Variants in NELL1 observed in about 807,000 individuals in gnomAD.
NELL1 encodes the protein protein kinase C-binding protein NELL1.
Under a neutral mutation model 107.4 loss-of-function variants are expected in NELL1, and 76 were observed. The ratio of observed to expected loss-of-function variants is 0.71; its 90% CI spans 0.59 to 0.86. The LOEUF is 0.86. NELL1 is among the 40% of genes least tolerant of loss of function. The pLI is 0.00. For synonymous variants in NELL1, 353 were observed against 341.2 expected (o/e 1.03, Z -0.38); for missense variants, 1,024 against 1,005.5 (o/e 1.02, Z -0.25).
At chr11:21,044,550 T>TA (rs1853311853) in intron 12 of NELL1, among the ~76,000 whole-genome samples, 1 of 152,092 alleles carries the variant, frequency 6.6e-6, no homozygotes, top group South Asian at 2.1e-4. Flanking sequence ...AGATGAGCGA[T>TA]ACCAGAGCAT....
intron 12 of NELL1, among the ~76,000 whole-genome samples, chr11:21,020,605 G>C (rs12294442): frequency 0.11 from 16,278 of 151,940 alleles, 2,710 homozygotes; most frequent in African/African-American, 0.36. Flanking sequence ...CCCAAGATGT[G>C]CTATTTCTTG....
intron 3 of NELL1, among the ~76,000 whole-genome samples, chr11:20,817,974 G>A (rs554035793): frequency 1.3e-5 from 2 of 152,094 alleles, no homozygotes; most frequent in South Asian, 4.1e-4. Context: ...TGTGGTCCGA[G>A]AGTATCATTG....
intron 2 of NELL1, among the ~76,000 whole-genome samples, chr11:20,735,811 A>C (rs1016631384): frequency 4.6e-5 from 7 of 152,210 alleles, no homozygotes; most frequent in Non-Finnish European, 8.8e-5. Context: ...CTTTGGGTTT[A>C]GGGAGTTTTT....
Position 20,695,592 on chromosome 11 carries a change from T to C in NELL1, c.184+17532T>C, listed in dbSNP as rs766291395. On this transcript the variant is annotated intron_variant, in intron 2 of 19. Transcript: ENST00000357134. ...AGTTTTCTTTATGTGGTGAATGACATTTATTGATTTGTGTATGTTGATTAC... is the reference window on the plus strand; with the variant it reads ...AGTTTTCTTTATGTGGTGAATGACACTTATTGATTTGTGTATGTTGATTAC... 2.6e-4 allele frequency among the ~76,000 whole-genome samples: 40 copies of C among 152,106 alleles called. 1 individual carries two copies. Among genetic ancestry groups the C allele is most frequent in the Non-Finnish European group, 5.0e-4 (34 of 68,002 alleles).
intron 3 of NELL1, among the ~76,000 whole-genome samples, chr11:20,807,760 A>G (rs189825107): frequency 6.6e-6 from 1 of 152,300 alleles, no homozygotes; most frequent in Non-Finnish European, 1.5e-5. Flanking sequence ...CCCATAATGT[A>G]AGACAAAGAA....
intron 12 of NELL1, among the ~76,000 whole-genome samples, chr11:20,991,593 C>T (rs1851972632): frequency 1.3e-5 from 2 of 152,140 alleles, no homozygotes; most frequent in Non-Finnish European, 2.9e-5. Context: ...AACAATAAAA[C>T]AACAATGGAG....
At chr11:20,876,885 C>T (rs1445203976) in intron 4 of NELL1, among the ~76,000 whole-genome samples, 1 of 152,220 alleles carries the variant, frequency 6.6e-6, no homozygotes, top group Non-Finnish European at 1.5e-5. Context: ...AGTATAACAA[C>T]CTATGGACTG....
At chr11:21,517,835 A>C (rs1242143920) in intron 15 of NELL1, among the ~76,000 whole-genome samples, 1 of 151,956 alleles carries the variant, frequency 6.6e-6, no homozygotes, top group Non-Finnish European at 1.5e-5. Context: ...GTTTTTCAAG[A>C]TATATGGTTA....
Position 20,826,018 on chromosome 11 carries a change from A to T in NELL1, c.336-21565A>T, listed in dbSNP as rs912682214. ...TTCTCACAAGATCTGATAGTTTTAT[A>T]AGGGGCTTTCCCCACTTTGCTCTGC... On this transcript the variant is annotated intron_variant, in intron 3 of 19. Coordinates refer to ENST00000357134, the MANE Select transcript of NELL1 (RefSeq NM_006157.5). Among the ~76,000 whole-genome samples, 11 of 151,292 alleles carry T rather than the reference A, an allele frequency of 7.3e-5. No homozygotes were observed. The East Asian group carries it at 1.9e-3, about 27-fold the overall frequency.
chr11:21,000,189 G>T (rs146440901), intron 12 of NELL1, among the ~76,000 whole-genome samples: 2 of 151,730 alleles, frequency 1.3e-5, no homozygotes, highest in African/African-American at 4.8e-5. Flanking sequence ...AATCTTAATC[G>T]CACCAGCACG....
intron 15 of NELL1, 141 bp from the exon 16 acceptor site, chr11:21,534,233 G>A (rs151175016): frequency 2.3e-6 from 2 of 870,100 alleles, no homozygotes; most frequent in Non-Finnish European, 3.6e-6. Context: ...TATGGGATTT[G>A]CTTCTTCCAG....
chr11:21,435,310 C>A (rs1456434608), intron 15 of NELL1, among the ~76,000 whole-genome samples: 6 of 152,014 alleles, frequency 3.9e-5, no homozygotes, highest in Non-Finnish European at 7.4e-5. Context: ...CAGGATGATA[C>A]TAGTTGTGGG....
chr11:20,848,205 T>A (rs936490211), intron 4 of NELL1, among the ~76,000 whole-genome samples: 3 of 152,214 alleles, frequency 2.0e-5, no homozygotes, highest in Non-Finnish European at 4.4e-5. Flanking sequence ...TCACCTTTGC[T>A]TAAATATCTT....
intron 5 of NELL1, among the ~76,000 whole-genome samples, chr11:20,899,071 G>A (rs569588928): frequency 4.3e-4 from 65 of 152,052 alleles, no homozygotes; most frequent in African/African-American, 1.4e-3. Context: ...CATACTTCTC[G>A]CAATAACTTA....
chr11:20,678,219 G>T (rs1240997202), intron 2 of NELL1, among the ~76,000 whole-genome samples, 159 bp downstream of exon 2: 2 of 152,078 alleles, frequency 1.3e-5, no homozygotes, highest in East Asian at 3.9e-4. Context: ...TATTCTGAGG[G>T]CAGGAGGGAG....
intron 15 of NELL1, among the ~76,000 whole-genome samples, chr11:21,507,612 C>G (rs78181733): frequency 0.18 from 26,819 of 151,598 alleles, 2,452 homozygotes; most frequent in East Asian, 0.28. Context: ...AGAAGAAAGA[C>G]TTTATTTAAT....
At chr11:20,956,610 C>A (rs1851179289) in intron 11 of NELL1, among the ~76,000 whole-genome samples, 1 of 149,342 alleles carries the variant, frequency 6.7e-6, no homozygotes, top group Non-Finnish European at 1.5e-5. Flanking sequence ...CACGCCACTG[C>A]ACTCCAGCCT....
intron 12 of NELL1, among the ~76,000 whole-genome samples, chr11:21,049,669 T>C (rs930858548): frequency 7.1e-6 from 1 of 140,698 alleles, no homozygotes; most frequent in African/African-American, 3.0e-5. Context: ...GAGTGAGATA[T>C]TGACTCAATA....
chr11:21,179,503 G>A (rs1856781191), intron 13 of NELL1, among the ~76,000 whole-genome samples: 1 of 151,878 alleles, frequency 6.6e-6, no homozygotes, highest in Non-Finnish European at 1.5e-5. Flanking sequence ...GATAGCAGGT[G>A]AGCACAGGCA....
Sources: gnomAD v4.1 joint callset for allele counts (sites outside exome capture counted in the v4.1 genomes callset) on GRCh38, gnomAD v4.1.1 for gene constraint, MANE v1.5 for transcripts, NCBI Gene and HGNC (gene_info 2026-07-23, HGNC 2026-07-21) for gene names.